The following DLGAP2 variants were observed in gnomAD, a reference collection of about 807,000 sequenced individuals.
The protein encoded by DLGAP2 is DLG associated protein 2, also known as disks large-associated protein 2.
In DLGAP2, 26 loss-of-function variants were observed where a neutral mutation model predicts 100.3. The observed-to-expected ratio is 0.26, with a 90% CI of 0.19 to 0.36. DLGAP2 has a LOEUF of 0.36. Ranked by LOEUF, DLGAP2 falls within the 10% of genes least tolerant of loss-of-function variation. DLGAP2 has a pLI of 1.00. For synonymous variants in DLGAP2, 886 were observed against 630.1 expected (o/e 1.41, Z -6.08); for missense variants, 1,858 against 1,453.2 (o/e 1.28, Z -4.53).
At chr8:1,667,745 G>C (rs17064207) in intron 8 of DLGAP2, among the ~76,000 whole-genome samples, 26,576 of 152,130 alleles carry the variant, frequency 0.17, 4,106 homozygotes, top group African/African-American at 0.42. Context: ...AGCATCCGGC[G>C]TGCTTCTGAA....
In DLGAP2 at chr8:1,451,527, G is replaced by A. The variant is rs148375226; in HGVS notation, c.107-49839G>A. Among the ~76,000 whole-genome samples, 625 of 151,982 alleles carry A rather than the reference G, an allele frequency of 4.1e-3. 4 individuals are homozygous for A. Among genetic ancestry groups the A allele is most frequent in the African/African-American group, 0.014 (577 of 41,444 alleles). ...AGCACCACCCCTGGTCCCATAAACC[G>A]CCTTAATCCTTCCCCACCTCAGCAT... On this transcript the variant is annotated intron_variant, in intron 3 of 14. Transcript: ENST00000637795.
chr8:1,423,731 G>C (rs1797165889), intron 3 of DLGAP2, among the ~76,000 whole-genome samples: 1 of 152,212 alleles, frequency 6.6e-6, no homozygotes, highest in Non-Finnish European at 1.5e-5. Flanking sequence ...CACTCCAAGG[G>C]AGAGAGGCGG....
chr8:1,000,183 G>C (rs58925119), intron 2 of DLGAP2, among the ~76,000 whole-genome samples: 1,835 of 79,246 alleles, frequency 0.023, 5 homozygotes, highest in South Asian at 0.028. Context: ...GATCCGGGTG[G>C]AGGTGGTTTT....
chr8:1,310,610 A>G (rs1280226549), intron 3 of DLGAP2, among the ~76,000 whole-genome samples: 1 of 152,220 alleles, frequency 6.6e-6, no homozygotes, highest in Admixed American at 6.5e-5. Flanking sequence ...ACAGGTCTCA[A>G]TAAATTGTAA....
At chr8:740,585 G>A (rs772532782) in intron 1 of DLGAP2, among the ~76,000 whole-genome samples, 54 of 152,160 alleles carry the variant, frequency 3.5e-4, no homozygotes, top group Admixed American at 3.3e-4. Flanking sequence ...TAGGCTTCGT[G>A]GAATTTAAAT....
chr8:1,012,829 T>TC (rs1200854647), intron 2 of DLGAP2, among the ~76,000 whole-genome samples: 1 of 150,166 alleles, frequency 6.7e-6, no homozygotes, highest in Non-Finnish European at 1.5e-5. Flanking sequence ...TTTCCAGTGT[T>TC]CCCCCGCCTC....
At chr8:911,643 A>C (rs946622617) in intron 2 of DLGAP2, among the ~76,000 whole-genome samples, 2 of 150,704 alleles carry the variant, frequency 1.3e-5, no homozygotes, top group Admixed American at 1.3e-4. Flanking sequence ...TGTATGTGGG[A>C]AGGATGCTGG....
At chr8:926,537 A>G (rs1265289344) in intron 2 of DLGAP2, among the ~76,000 whole-genome samples, 1 of 152,150 alleles carries the variant, frequency 6.6e-6, no homozygotes, top group Non-Finnish European at 1.5e-5. Flanking sequence ...ATCTGTGCCC[A>G]TTGCTCTCCT....
In DLGAP2 at chr8:1,028,926, G is replaced by A. The variant is rs550998439; in HGVS notation, c.73+120960G>A. On this transcript the variant is annotated intron_variant, in intron 2 of 14. Coordinates refer to ENST00000637795, the MANE Select transcript of DLGAP2 (RefSeq NM_001346810.2). The stretch of plus-strand genomic sequence containing the variant: ...TGAGCCTGTGAAGGACGGCCTGACC[G>A]AGGGGCAGCCAGGGCAGGAGGGACG... Among the ~76,000 whole-genome samples, 16 of 152,318 alleles carry A rather than the reference G, an allele frequency of 1.1e-4. No individual in the cohort carries two copies. In the South Asian group the frequency reaches 2.1e-3, roughly 20 times the overall value.
At chr8:1,142,652 G>A (rs1796541502) in intron 2 of DLGAP2, among the ~76,000 whole-genome samples, 1 of 152,326 alleles carries the variant, frequency 6.6e-6, no homozygotes, top group Admixed American at 6.5e-5. Flanking sequence ...CTTCGGTGAA[G>A]TGGTAACAGC....
intron 2 of DLGAP2, among the ~76,000 whole-genome samples, chr8:1,144,139 G>T (rs1201996055): frequency 6.6e-6 from 1 of 152,218 alleles, no homozygotes; most frequent in Non-Finnish European, 1.5e-5. Context: ...AGTCACGGAA[G>T]AATAAAGATG....
intron 4 of DLGAP2, among the ~76,000 whole-genome samples, chr8:1,510,155 A>G (rs1800109609): frequency 6.6e-6 from 1 of 152,226 alleles, no homozygotes; most frequent in Non-Finnish European, 1.5e-5. Flanking sequence ...TGGGCATTCG[A>G]AAAGGAGTCG....
chr8:983,451 G>A (rs1289241295), intron 2 of DLGAP2, among the ~76,000 whole-genome samples: 2 of 152,132 alleles, frequency 1.3e-5, no homozygotes, highest in Non-Finnish European at 1.5e-5. Flanking sequence ...AGGTCGTCAA[G>A]ATGTTCTTCT....
chr8:1,337,340 TAGTG>T (rs931109607), intron 3 of DLGAP2, among the ~76,000 whole-genome samples: 8 of 10,760 alleles, frequency 7.4e-4, no homozygotes, highest in African/African-American at 1.9e-3. Flanking sequence ...ATGATGGTAA[TAGTG>T]AGGATGATGG....
chr8:1,519,246 G>T lies in DLGAP2; in HGVS notation c.172+17815G>T, dbSNP rs73672783. ...AACACCAAAGTTAGCTCAGCTTTACGCAGCGGCATGTCCCATCCTACGCCT... is the reference window on the plus strand; with the variant it reads ...AACACCAAAGTTAGCTCAGCTTTACTCAGCGGCATGTCCCATCCTACGCCT... On this transcript the variant is annotated intron_variant, in intron 4 of 14. Coordinates refer to ENST00000637795, the MANE Select transcript of DLGAP2 (RefSeq NM_001346810.2). Among the ~76,000 whole-genome samples, 5 of 152,184 alleles carry T rather than the reference G, an allele frequency of 3.3e-5. 1 individual carries two copies. Among genetic ancestry groups the T allele is most frequent in the African/African-American group, 1.2e-4 (5 of 41,450 alleles).
chr8:1,229,406 A>T (rs1284590268), intron 2 of DLGAP2, among the ~76,000 whole-genome samples: 1 of 152,060 alleles, frequency 6.6e-6, no homozygotes, highest in Non-Finnish European at 1.5e-5. Context: ...TTGGAACTTG[A>T]TAATGATCTG....
intron 2 of DLGAP2, among the ~76,000 whole-genome samples, chr8:1,036,424 G>A (rs1418031584): frequency 1.3e-5 from 2 of 152,244 alleles, no homozygotes; most frequent in Admixed American, 6.5e-5. Context: ...GGGCTGGAAA[G>A]GCTTTTGTCC....
chr8:917,401 G>C (rs951493260), intron 2 of DLGAP2, among the ~76,000 whole-genome samples: 1 of 152,014 alleles, frequency 6.6e-6, no homozygotes. Flanking sequence ...ACCACACCCA[G>C]CTAATTTTTG....
At chr8:1,465,018 G>A (rs1798584019) in intron 3 of DLGAP2, among the ~76,000 whole-genome samples, 1 of 152,214 alleles carries the variant, frequency 6.6e-6, no homozygotes, top group Admixed American at 6.5e-5. Context: ...CCAAATGTTG[G>A]GGGCTTCTCC....
Sources: allele counts gnomAD v4.1 joint callset (sites outside exome capture counted in the v4.1 genomes callset), GRCh38; gene constraint gnomAD v4.1.1; transcripts MANE v1.5; gene names NCBI Gene and HGNC (gene_info 2026-07-23, HGNC 2026-07-21).